CHST11: variants seen among roughly 807,000 people sequenced by gnomAD.
CHST11 encodes C4S-1.
In CHST11, 9 loss-of-function variants were observed where a neutral mutation model predicts 30.4. The ratio of observed to expected loss-of-function variants is 0.30; its 90% CI spans 0.18 to 0.52. CHST11 has a LOEUF of 0.52. CHST11 is among the 20% of genes least tolerant of loss of function. CHST11 has a pLI of 0.97. For missense variants in CHST11, 348 were observed against 460.6 expected (o/e 0.76, Z 2.24); for synonymous variants, 152 against 187.8 (o/e 0.81, Z 1.56).
At chr12:104,694,230 C>G (rs1373006326) in intron 2 of CHST11, among the ~76,000 whole-genome samples, 2 of 152,126 alleles carry the variant, frequency 1.3e-5, no homozygotes, top group Non-Finnish European at 1.5e-5. Context: ...CAGCAAAAAC[C>G]CATATTCAAA....
chr12:104,757,876 A>G lies in CHST11; in HGVS notation c.*73A>G. On this transcript the variant is annotated 3_prime_UTR_variant, in exon 3 of 3. Coordinates refer to ENST00000303694, the MANE Select transcript of CHST11 (RefSeq NM_018413.6). The surrounding 1 kb of genome is among the most constrained non-coding windows in gnomAD (Gnocchi z 6.5). ...TATTTGTCAAAAGAATTATATGGAT[A>G]TTGGGTTATTTTGTAAATTAATATT... 7.2e-7 allele frequency: 1 copy of G among 1,385,698 alleles called. No homozygotes were observed. Among genetic ancestry groups the G allele is most frequent in the Non-Finnish European group, 9.8e-7 (1 of 1,019,640 alleles). The allele number at this position is 1,385,698 out of a possible 1,614,324, so 85.8% of individuals were successfully genotyped here.
rs1267213004 is a variant in CHST11, at chr12:104,761,464, T to C, written c.*3661T>C. Reference sequence around the variant, plus strand: ...CTTGCTTTCCTAGCCAGTCCTCCCCTACACACACACACACACACACACACA... The same window carrying C: ...CTTGCTTTCCTAGCCAGTCCTCCCCCACACACACACACACACACACACACA... On this transcript the variant is annotated 3_prime_UTR_variant, in exon 3 of 3. Coordinates refer to ENST00000303694, the MANE Select transcript of CHST11 (RefSeq NM_018413.6). The C allele has an allele frequency of 5.6e-5, 8 of 142,834 alleles. No homozygotes were observed. The highest frequency in any genetic ancestry group is 2.1e-4 in the East Asian group (1 of 4,678). 8.8% of individuals were successfully genotyped at this position (142,834 alleles called of 1,614,324 possible).
intron 1 of CHST11, among the ~76,000 whole-genome samples, chr12:104,504,652 C>G (rs553232741): frequency 2.6e-5 from 4 of 152,190 alleles, no homozygotes; most frequent in South Asian, 4.1e-4. Flanking sequence ...ACATTTGGAT[C>G]TTTTGAGGAT....
intron 2 of CHST11, among the ~76,000 whole-genome samples, chr12:104,667,314 A>G (rs1205259667): frequency 6.6e-6 from 1 of 152,086 alleles, no homozygotes; most frequent in Non-Finnish European, 1.5e-5. Flanking sequence ...GGTAATGAGA[A>G]ATGAAAGTCG....
chr12:104,605,789 G>A (rs569547090), intron 2 of CHST11, among the ~76,000 whole-genome samples: 252 of 152,272 alleles, frequency 1.7e-3, no homozygotes, highest in Non-Finnish European at 2.9e-3. Context: ...GGCCGCTCTG[G>A]CTCAGTTCAG....
chr12:104,659,987 G>A (rs1459070091), intron 2 of CHST11, among the ~76,000 whole-genome samples: 1 of 152,136 alleles, frequency 6.6e-6, no homozygotes, highest in African/African-American at 2.4e-5. Context: ...GTCTCTAAAA[G>A]AAAACGAATT....
intron 2 of CHST11, among the ~76,000 whole-genome samples, chr12:104,653,312 A>G (rs1313058500): frequency 6.6e-6 from 1 of 152,148 alleles, no homozygotes; most frequent in East Asian, 1.9e-4. Context: ...ATGTTGTAAC[A>G]TGGTAGGATT....
intron 1 of CHST11, among the ~76,000 whole-genome samples, chr12:104,518,495 T>C (rs2038046653): frequency 6.6e-6 from 1 of 152,136 alleles, no homozygotes; most frequent in Non-Finnish European, 1.5e-5. Context: ...CCTAGGCAAA[T>C]ACGATGTCTG....
intron 1 of CHST11, among the ~76,000 whole-genome samples, chr12:104,498,810 G>A (rs536229160): frequency 2.0e-5 from 3 of 152,318 alleles, no homozygotes; most frequent in South Asian, 4.1e-4. Context: ...TTTTGCAGCC[G>A]ATAACATTAA....
chr12:104,680,987 A>C (rs2039790584), intron 2 of CHST11, among the ~76,000 whole-genome samples: 1 of 152,230 alleles, frequency 6.6e-6, no homozygotes, highest in South Asian at 2.1e-4. Flanking sequence ...TGGGGATAAT[A>C]ATATCTACTT....
At chr12:104,541,502 GTATT>G (rs2038287178) in intron 1 of CHST11, among the ~76,000 whole-genome samples, 1 of 152,108 alleles carries the variant, frequency 6.6e-6, no homozygotes, top group African/African-American at 2.4e-5. Flanking sequence ...CCTTGCCTGA[GTATT>G]TAGGAAGCAA....
chr12:104,586,656 A>C (rs945414088), intron 1 of CHST11, among the ~76,000 whole-genome samples: 13 of 152,266 alleles, frequency 8.5e-5, no homozygotes, highest in African/African-American at 2.9e-4. Context: ...CCAGGCAGGG[A>C]AGAAAGCACT....
intron 1 of CHST11, among the ~76,000 whole-genome samples, chr12:104,490,204 GA>G (rs993774951): frequency 2.0e-5 from 3 of 152,172 alleles, no homozygotes; most frequent in African/African-American, 7.2e-5. Context: ...GCTGGTTGAG[GA>G]AAAGCAGGGC....
intron 2 of CHST11, among the ~76,000 whole-genome samples, chr12:104,748,070 G>A (rs563374690): frequency 3.7e-4 from 57 of 152,320 alleles, no homozygotes; most frequent in Non-Finnish European, 7.1e-4. Context: ...AGAGCCCGGA[G>A]CCATGTTCAC....
chr12:104,512,355 T>C (rs2037973463), intron 1 of CHST11, among the ~76,000 whole-genome samples: 1 of 152,194 alleles, frequency 6.6e-6, no homozygotes, highest in Non-Finnish European at 1.5e-5. Context: ...TCCTGTTTTA[T>C]AGATTCAGTT....
At chr12:104,732,276 A>C (rs1166653562) in intron 2 of CHST11, among the ~76,000 whole-genome samples, 1 of 152,140 alleles carries the variant, frequency 6.6e-6, no homozygotes, top group African/African-American at 2.4e-5. Context: ...GCCAGACCCC[A>C]GCAAGGCTTC....
chr12:104,574,603 G>C (rs1398003682), intron 1 of CHST11, among the ~76,000 whole-genome samples: 1 of 151,114 alleles, frequency 6.6e-6, no homozygotes, highest in Non-Finnish European at 1.5e-5. Flanking sequence ...GCAAACTATC[G>C]CAAGGACAAA....
At chr12:104,605,934 A>T (rs878883019) in intron 2 of CHST11, among the ~76,000 whole-genome samples, 6 of 152,090 alleles carry the variant, frequency 3.9e-5, no homozygotes, top group Admixed American at 3.3e-4. Context: ...AATCTTCACA[A>T]CATCATCATG....
chr12:104,486,122 T>C (rs1329340116), intron 1 of CHST11, among the ~76,000 whole-genome samples: 1 of 152,184 alleles, frequency 6.6e-6, no homozygotes, highest in African/African-American at 2.4e-5. Context: ...GTGCTGTGAA[T>C]TTCACTTTGC....
Sources: allele counts gnomAD v4.1 joint callset (sites outside exome capture counted in the v4.1 genomes callset), GRCh38; gene constraint gnomAD v4.1.1; non-coding constraint Gnocchi (gnomAD v3.1); transcripts MANE v1.5; gene names NCBI Gene and HGNC (gene_info 2026-07-23, HGNC 2026-07-21).